Variants in P2RX5 observed in about 807,000 individuals in gnomAD.
P2RX5 encodes the protein purinergic receptor P2X 5.
In P2RX5, 46 loss-of-function variants were observed where a neutral mutation model predicts 54.1. That is an observed-to-expected ratio of 0.85 (90% confidence interval 0.67 to 1.09). The LOEUF is 1.09. Ranked by LOEUF, P2RX5 falls within the 50% of genes least tolerant of loss-of-function variation. The pLI, the probability that P2RX5 is intolerant of heterozygous loss-of-function variation, is 0.00. For missense variants in P2RX5, 566 were observed against 549.8 expected (o/e 1.03, Z -0.29); for synonymous variants, 226 against 226.4 (o/e 1.00, Z 0.02).
At chr17:3,707,482 A>G in the P2RX5 span, among the ~76,000 whole-genome samples, 2 of 152,162 alleles carry the variant, frequency 1.3e-5, no homozygotes, top group African/African-American at 4.8e-5. Flanking sequence ...CTAAGAAATC[A>G]AAAAGGTTTG....
intron 6 of P2RX5, 104 bp from the exon 7 acceptor site, chr17:3,689,734 C>T: frequency 7.0e-7 from 1 of 1,437,820 alleles, no homozygotes; most frequent in Admixed American, 1.7e-5. Flanking sequence ...CTGACAGCTC[C>T]CCGCAGCAAC....
chr17:3,689,890 A>G (rs1485890367), intron 6 of P2RX5, among the ~76,000 whole-genome samples, 180 bp downstream of exon 6: 3 of 149,738 alleles, frequency 2.0e-5, no homozygotes, highest in African/African-American at 5.1e-5. Flanking sequence ...GCACACACAC[A>G]AACGCACGCA....
rs1597697610 is a variant in P2RX5, at chr17:3,679,635, T to C, written c.1214A>G (p.Gln405Arg). 1 of 1,609,848 alleles carries C rather than the reference T, an allele frequency of 6.2e-7. No homozygotes were observed. The highest frequency in any genetic ancestry group is 2.2e-5 in the East Asian group (1 of 44,890). Residue 405 changes from glutamine (Q) to arginine (R), a missense_variant, in exon 11 of 12, where the codon CAG becomes CGG. Transcript: ENST00000225328. ...TGGGCACACAGATCCGTTCCCCTTC[T>C]GACTGCTGCTTCCACGCTTCGCCTC... ...PPEAKRGSSSQKGNGSVCPQL... is the reference protein window; with the variant it reads ...PPEAKRGSSSRKGNGSVCPQL...
At chr17:3,714,162 C>T in the P2RX5 span, among the ~76,000 whole-genome samples, 22,623 of 151,876 alleles carry the variant, frequency 0.15, 5,264 homozygotes, top group African/African-American at 0.5. Context: ...CTCCTGACCT[C>T]GTGATCCACC....
intron 10 of P2RX5, 107 bp downstream of exon 10, chr17:3,681,789 C>A: frequency 1.3e-6 from 1 of 798,700 alleles, no homozygotes; most frequent in South Asian, 1.4e-5. Flanking sequence ...CCCTCCAGCC[C>A]CTGCCTCCCA....
At chr17:3,721,227 C>A in the P2RX5 span, among the ~76,000 whole-genome samples, 5 of 121,284 alleles carry the variant, frequency 4.1e-5, no homozygotes, top group African/African-American at 1.5e-4. Flanking sequence ...CCACACCCAG[C>A]TTATTCATTT....
At chr17:3,677,745 T>C in intron 11 of P2RX5, 3 of 985,322 alleles carry the variant, frequency 3.0e-6, no homozygotes, top group Non-Finnish European at 2.4e-6. Flanking sequence ...CATGCGTCAA[T>C]ACATGTTTAC....
At chr17:3,688,495 T>C (rs928500587) in intron 8 of P2RX5, 131 bp downstream of exon 8, 7 of 992,696 alleles carry the variant, frequency 7.1e-6, no homozygotes, top group East Asian at 2.4e-5. Context: ...ACACCTCTCC[T>C]GGGCCATCTG....
chr17:3,721,829 T>G, the P2RX5 span: 5 of 152,070 alleles, frequency 3.3e-5, no homozygotes, highest in Admixed American at 3.3e-4. Flanking sequence ...GTAGATCATC[T>G]GAGGTCAGGA....
At chr17:3,709,304 G>T in the P2RX5 span, among the ~76,000 whole-genome samples, 1 of 152,144 alleles carries the variant, frequency 6.6e-6, no homozygotes, top group Non-Finnish European at 1.5e-5. Flanking sequence ...AAGCAAGGTT[G>T]CGACAAAGGC....
chr17:3,691,227 T>G (rs56306458), intron 2 of P2RX5, among the ~76,000 whole-genome samples, 200 bp from the exon 3 acceptor site: 13,249 of 152,168 alleles, frequency 0.087, 818 homozygotes, highest in Non-Finnish European at 0.13. Context: ...TCCTCCAGAC[T>G]CACAAACCCC....
intron 9 of P2RX5, chr17:3,682,450 C>A: frequency 4.4e-6 from 1 of 229,838 alleles, no homozygotes; most frequent in East Asian, 1.1e-4. Flanking sequence ...TTATACAAGA[C>A]AAAGAGGTGG....
At chr17:3,723,468 T>C in the P2RX5 span, 1 of 1,107,432 alleles carries the variant, frequency 9.0e-7, no homozygotes, top group South Asian at 1.2e-5. Flanking sequence ...CAGAGCATCG[T>C]AAGGTCCCAG....
the P2RX5 span, chr17:3,717,920 AG>A: frequency 6.6e-6 from 1 of 152,210 alleles, no homozygotes; most frequent in Non-Finnish European, 1.5e-5. Context: ...GGGAAGTGAA[AG>A]GAAGTCCCAA....
At chr17:3,703,112 T>C in the P2RX5 span, among the ~76,000 whole-genome samples, 9 of 152,212 alleles carry the variant, frequency 5.9e-5, no homozygotes, top group Admixed American at 5.2e-4. Flanking sequence ...CACCAGTATC[T>C]GTTCCTTCTA....
At chr17:3,712,949 A>C in the P2RX5 span, among the ~76,000 whole-genome samples, 13 of 152,236 alleles carry the variant, frequency 8.5e-5, no homozygotes, top group South Asian at 2.3e-3. Context: ...TCTCCAAAAA[A>C]ACAAAACCAC....
At chr17:3,714,205 G>A in the P2RX5 span, among the ~76,000 whole-genome samples, 2 of 151,878 alleles carry the variant, frequency 1.3e-5, no homozygotes, top group African/African-American at 4.8e-5. Context: ...GGGATTACAG[G>A]CGTGAGCCAC....
upstream of P2RX5, among the ~76,000 whole-genome samples, chr17:3,697,422 G>A (rs2050781302): frequency 1.3e-5 from 2 of 152,088 alleles, no homozygotes; most frequent in South Asian, 4.1e-4. Flanking sequence ...GAGGAGCTGC[G>A]CACGCTTATT....
intron 11 of P2RX5, chr17:3,676,099 G>A: frequency 1.0e-6 from 1 of 985,448 alleles, no homozygotes; most frequent in Non-Finnish European, 1.2e-6. Context: ...CACTGGGACT[G>A]GTTGAGTGAG....
Sources: allele counts gnomAD v4.1 joint callset (sites outside exome capture counted in the v4.1 genomes callset), GRCh38; gene constraint gnomAD v4.1.1; transcripts MANE v1.5; gene names NCBI Gene and HGNC (gene_info 2026-07-23, HGNC 2026-07-21).